The following NREP variants were observed in gnomAD, a reference collection of about 807,000 sequenced individuals.
NREP encodes neuronal regeneration-related protein.
Under a neutral mutation model 8.6 loss-of-function variants are expected in NREP, and 5 were observed. The ratio of observed to expected loss-of-function variants is 0.58; its 90% CI spans 0.30 to 1.22. NREP has a LOEUF of 1.22. NREP is among the 50% of genes most tolerant of loss of function. The probability of loss-of-function intolerance (pLI) is 0.07; values close to 1 mark genes in which losing one functional copy is unlikely to be tolerated. For synonymous variants in NREP, 27 were observed against 28.0 expected (o/e 0.96, Z 0.11); for missense variants, 86 against 82.5 (o/e 1.04, Z -0.17).
intron 2 of NREP, among the ~76,000 whole-genome samples, chr5:111,891,034 T>G (rs1208604940): frequency 6.6e-6 from 1 of 152,212 alleles, no homozygotes; most frequent in East Asian, 1.9e-4. Context: ...AGTCTGCAAG[T>G]TTTCCAAATT....
chr5:111,881,402 G>T (rs1339745352), intron 2 of NREP, among the ~76,000 whole-genome samples: 2 of 152,314 alleles, frequency 1.3e-5, no homozygotes, highest in South Asian at 2.1e-4. Flanking sequence ...GGGGGGCAGG[G>T]CACAGACAAA....
intron 2 of NREP, among the ~76,000 whole-genome samples, chr5:111,779,887 T>C (rs924926293): frequency 2.0e-5 from 3 of 152,152 alleles, no homozygotes; most frequent in African/African-American, 7.2e-5. Flanking sequence ...TTGATTAAAT[T>C]GTGATTTTTT....
At chr5:111,888,074 A>G (rs1754304618) in intron 2 of NREP, among the ~76,000 whole-genome samples, 1 of 152,170 alleles carries the variant, frequency 6.6e-6, no homozygotes, top group Non-Finnish European at 1.5e-5. Context: ...TGGGATCCTG[A>G]AGGCTATAGG....
intron 2 of NREP, among the ~76,000 whole-genome samples, chr5:111,887,960 A>G (rs1357506253): frequency 6.6e-6 from 1 of 152,206 alleles, no homozygotes; most frequent in Non-Finnish European, 1.5e-5. Flanking sequence ...ATCTTTGGAA[A>G]TTGAAGGAAA....
intron 2 of NREP, among the ~76,000 whole-genome samples, chr5:111,848,279 T>C (rs1172599345): frequency 2.0e-5 from 3 of 152,300 alleles, no homozygotes; most frequent in East Asian, 3.9e-4. Context: ...GCAGGCCATA[T>C]GGATATATTT....
At chr5:111,903,234 G>A (rs890062872) in intron 2 of NREP, among the ~76,000 whole-genome samples, 1 of 151,608 alleles carries the variant, frequency 6.6e-6, no homozygotes, top group Non-Finnish European at 1.5e-5. Flanking sequence ...ATAGTTGTAT[G>A]CTACCATGCC....
chr5:111,832,978 T>C (rs995706293), intron 2 of NREP, among the ~76,000 whole-genome samples: 3 of 152,168 alleles, frequency 2.0e-5, no homozygotes, highest in Non-Finnish European at 4.4e-5. Context: ...TGTTCATCTG[T>C]CCCTGACTAA....
intron 2 of NREP, among the ~76,000 whole-genome samples, chr5:111,785,065 TG>T (rs1751577810): frequency 1.3e-5 from 2 of 152,154 alleles, no homozygotes; most frequent in Admixed American, 1.3e-4. Flanking sequence ...GTGTATGAAC[TG>T]CAGCCCAGAA....
intron 2 of NREP, among the ~76,000 whole-genome samples, chr5:111,821,776 A>G (rs1186958873): frequency 6.6e-6 from 1 of 152,164 alleles, no homozygotes; most frequent in Non-Finnish European, 1.5e-5. Flanking sequence ...CTTTGGTATT[A>G]GCAGCTCCTT....
chr5:111,889,168 A>C (rs1364164072), intron 2 of NREP, among the ~76,000 whole-genome samples: 6 of 152,222 alleles, frequency 3.9e-5, no homozygotes, highest in African/African-American at 1.4e-4. Context: ...CTGTACAGAA[A>C]GCATACTGCT....
chr5:111,882,415 T>C (rs1227883735), intron 2 of NREP, among the ~76,000 whole-genome samples: 1 of 152,198 alleles, frequency 6.6e-6, no homozygotes, highest in Non-Finnish European at 1.5e-5. Context: ...TGCAGGATAT[T>C]ATCCAGGAGA....
At chr5:111,838,307 G>T (rs545617719) in intron 2 of NREP, among the ~76,000 whole-genome samples, 1 of 152,200 alleles carries the variant, frequency 6.6e-6, no homozygotes, top group South Asian at 2.1e-4. Context: ...AAAAGTTAGT[G>T]GCTACTACAC....
intron 2 of NREP, among the ~76,000 whole-genome samples, chr5:111,888,751 G>T (rs766944994): frequency 2.6e-5 from 4 of 152,108 alleles, no homozygotes; most frequent in Non-Finnish European, 5.9e-5. Context: ...TCTGTGCTTT[G>T]CCCCAAGCAA....
chr5:111,776,328 A>G (rs1314935167), intron 2 of NREP, among the ~76,000 whole-genome samples: 1 of 152,206 alleles, frequency 6.6e-6, no homozygotes, highest in Non-Finnish European at 1.5e-5. Flanking sequence ...GTTTAAATAC[A>G]TGATGGGAAT....
intron 2 of NREP, among the ~76,000 whole-genome samples, chr5:111,868,054 T>C (rs1229452785): frequency 6.6e-6 from 1 of 152,088 alleles, no homozygotes; most frequent in African/African-American, 2.4e-5. Context: ...ATAAAGGTAC[T>C]CTCATTTTTA....
chr5:111,739,561 T>C (rs1749466827), intron 2 of NREP: 1 of 152,224 alleles, frequency 6.6e-6, no homozygotes. Context: ...CTAGAGTCCA[T>C]CTGTGCTTGC....
chr5:111,951,515 C>T (rs1756159427), intron 2 of NREP, among the ~76,000 whole-genome samples: 1 of 151,978 alleles, frequency 6.6e-6, no homozygotes, highest in African/African-American at 2.4e-5. Flanking sequence ...GCAGTTATGA[C>T]AGAGAATGTA....
chr5:111,889,283 G>T (rs1234560180), intron 2 of NREP, among the ~76,000 whole-genome samples: 1 of 152,144 alleles, frequency 6.6e-6, no homozygotes, highest in Non-Finnish European at 1.5e-5. Context: ...AGAGAGTGGT[G>T]GAAGGTGCCA....
intron 2 of NREP, among the ~76,000 whole-genome samples, chr5:111,804,386 C>A (rs1415488271): frequency 6.6e-6 from 1 of 152,050 alleles, no homozygotes; most frequent in Admixed American, 6.6e-5. Flanking sequence ...CATCAGTGAT[C>A]GCAATCTTAA....
Sources: gnomAD v4.1 joint callset for allele counts (sites outside exome capture counted in the v4.1 genomes callset) on GRCh38, gnomAD v4.1.1 for gene constraint, MANE v1.5 for transcripts, NCBI Gene and HGNC (gene_info 2026-07-23, HGNC 2026-07-21) for gene names.